HECTD3: variants seen among roughly 807,000 people sequenced by gnomAD.
HECTD3 encodes E3 ubiquitin-protein ligase HECTD3.
HECTD3 carries 72 observed loss-of-function variants against 109.3 expected under a neutral mutation model. The ratio of observed to expected loss-of-function variants is 0.66; its 90% CI spans 0.54 to 0.80. HECTD3 has a LOEUF of 0.80. Among genes scored for constraint, HECTD3 ranks in the 30% least tolerant of loss-of-function variants. The pLI is 0.00. For missense variants in HECTD3, 1,041 were observed against 1,165.2 expected (o/e 0.89, Z 1.55); for synonymous variants, 481 against 471.8 (o/e 1.02, Z -0.25).
chr1:45,005,698 TTG>T lies in HECTD3; in HGVS notation c.1935+94_1935+95del, dbSNP rs988936623. ...GGAGTGGATGGATTGGAGAGGGATCTTGTGTGTGGTGAAAGAACAAGGTACAG... is the reference window on the plus strand; with the variant it reads ...GGAGTGGATGGATTGGAGAGGGATCTTGTGTGGTGAAAGAACAAGGTACAG... On this transcript the variant is annotated intron_variant, in intron 15 of 20. Coordinates refer to ENST00000372172, the MANE Select transcript of HECTD3 (RefSeq NM_024602.6). 9 of 955,526 alleles carry T rather than the reference TTG, an allele frequency of 9.4e-6. No individual in the cohort carries two copies. The African/African-American group carries it at 1.3e-4, about 14-fold the overall frequency. 59.2% of individuals were successfully genotyped at this position (955,526 alleles called of 1,614,324 possible).
chr1:45,009,833 GGTCCTATAGAC>G, intron 4 of HECTD3, 142 bp downstream of exon 4: 7 of 1,093,986 alleles, frequency 6.4e-6, no homozygotes, highest in Non-Finnish European at 2.7e-6. Flanking sequence ...GTATGTAAGG[GGTCCTATAGAC>G]GTCCAAGATG....
intron 4 of HECTD3, 31 bp from the exon 5 acceptor site, chr1:45,009,714 G>C: frequency 6.6e-7 from 1 of 1,518,680 alleles, no homozygotes; most frequent in Non-Finnish European, 9.1e-7. Flanking sequence ...GAAGTCAGCA[G>C]TTACCCTCCC....
chr1:45,007,146 G>T (rs949048450), intron 11 of HECTD3, 73 bp downstream of exon 11: 8 of 1,431,948 alleles, frequency 5.6e-6, no homozygotes, highest in East Asian at 2.3e-5. Context: ...GTGTGTGTGT[G>T]TGTGTGTGTG....
chr1:45,007,295 C>A lies in HECTD3; in HGVS notation c.1504-24G>T. Reference sequence around the variant, plus strand: ...ACCTGGAGGCAAGGAGGAAAGGAGTCATAGGAAAGCAAGACCTGGCCCTAT... The same window carrying A: ...ACCTGGAGGCAAGGAGGAAAGGAGTAATAGGAAAGCAAGACCTGGCCCTAT... On this transcript the variant is annotated intron_variant, in intron 10 of 20. Transcript: ENST00000372172. 4 of 1,610,514 alleles carry A rather than the reference C, an allele frequency of 2.5e-6. No homozygotes were observed. The South Asian group carries it at 3.3e-5, about 13-fold the overall frequency.
rs1644747681 is a variant in HECTD3 at position 45,007,566 on chromosome 1, G to T, written c.1350C>A (p.Arg450=). ...ACTGAGCCACCAGGCCTGGCCGCTG[G>T]CGGGACAGCAGTAGGAACTGCTTCA... is the stretch of plus-strand genomic sequence containing the variant. ...KQVKQFLLLS[R]QRPGLVAQCL... is the part of the protein sequence containing the mutation. Residue 450 remains arginine, a synonymous_variant, in exon 10 of 21, where the codon CGC becomes CGA. Transcript: ENST00000372172. 6.2e-7 allele frequency: 1 copy of T among 1,612,614 alleles called. No individual in the cohort carries two copies. Among genetic ancestry groups the T allele is most frequent in the Non-Finnish European group, 8.5e-7 (1 of 1,180,006 alleles).
rs1446444537 is a variant in HECTD3, at chr1:45,003,238, A to T, written c.*254T>A. The T allele has an allele frequency of 2.5e-5, 13 of 515,040 alleles. No homozygotes were observed. The East Asian group carries it at 3.2e-4, about 13-fold the overall frequency. The allele number at this position is 515,040 out of a possible 1,614,324, so 31.9% of individuals were successfully genotyped here. A position where few individuals can be genotyped will look rare whatever the true frequency, so the allele number is the denominator to read the frequency against. On this transcript the variant is annotated 3_prime_UTR_variant, in exon 21 of 21. Coordinates refer to ENST00000372172, the MANE Select transcript of HECTD3 (RefSeq NM_024602.6). This position sits in a 1 kb window ranked among gnomAD's most constrained non-coding sequence, Gnocchi z 4.7. ...CTGGCAGCTTGTGCTGGGCTTGTGGAAGATTCCCTCTTAAGAGGTGAAATA... is the reference window on the plus strand; with the variant it reads ...CTGGCAGCTTGTGCTGGGCTTGTGGTAGATTCCCTCTTAAGAGGTGAAATA...
chr1:45,003,594 T>C lies in HECTD3; in HGVS notation c.2502-18A>G. 1.2e-6 allele frequency: 2 copies of C among 1,614,056 alleles called. No individual in the cohort carries two copies. The highest frequency in any genetic ancestry group is 1.3e-5 in the African/African-American group (1 of 75,046). ...CCTTGGCACTGTGGGAATGGGGACT[T>C]GGTCAGGTCCCTACATCGCTACCAG... On this transcript the variant is annotated intron_variant, in intron 20 of 20. Transcript: ENST00000372172. The surrounding 1 kb of genome is among the most constrained non-coding windows in gnomAD (Gnocchi z 4.7).
At chr1:45,007,060 C>T in intron 11 of HECTD3, 45 bp from the exon 12 acceptor site, 1 of 1,607,524 alleles carries the variant, frequency 6.2e-7, no homozygotes, top group Non-Finnish European at 8.5e-7. Flanking sequence ...GGGCCAGGTG[C>T]AGCACAATTC....
At position 45,006,177 on chromosome 1, in the gene HECTD3, G is replaced by A. The variant is rs1644733783; in HGVS notation, c.1726-61C>T. ...ATACACCCTATTTTCCTGGCCCAAA[G>A]ACTTCCCTGAACATTTTCCACTGGG... On this transcript the variant is annotated intron_variant, in intron 13 of 20. Transcript: ENST00000372172. This position sits in a 1 kb window ranked among gnomAD's most constrained non-coding sequence, Gnocchi z 4.7. 1 of 1,578,740 alleles carries A rather than the reference G, an allele frequency of 6.3e-7. No individual in the cohort carries two copies. The highest frequency in any genetic ancestry group is 1.3e-5 in the African/African-American group (1 of 74,430).
At position 45,010,914 on chromosome 1, in the gene HECTD3, T is replaced by C. The variant is rs1305568630; in HGVS notation, c.344A>G (p.His115Arg). 8 of 1,546,068 alleles carry C rather than the reference T, an allele frequency of 5.2e-6. No individual in the cohort carries two copies. The highest frequency in any genetic ancestry group is 1.2e-5 in the South Asian group (1 of 83,400). The stretch of plus-strand genomic sequence containing the variant: ...CTTTGTCAGCTTCACCCAGAGCCCG[T>C]GGCCATTGCACAGCTCCTCGCCCGT... ...RTTGEELCNG[H>R]GLWVKLTKEQ... The change falls in exon 1 of 21, where the codon CAC becomes CGC. Residue 115 changes from histidine to arginine, a missense_variant. By Grantham distance (29) the His-to-Arg change is conservative. This residue lies in a region of HECTD3 where 472 missense variants were observed against 449.9 expected (regional missense o/e 1.05). Transcript: ENST00000372172.
In HECTD3 at chr1:45,003,657, GA is replaced by G. The variant is rs776746761; in HGVS notation, c.2501+11del. ...CCCCTGGGCCCCAAATCGAGCCTAG[GA>G]AAAAACCCACCTGGCATAGTGTGGC... On this transcript the variant is annotated intron_variant, in intron 20 of 20. Transcript: ENST00000372172. This position sits in a 1 kb window ranked among gnomAD's most constrained non-coding sequence, Gnocchi z 4.7. 6.2e-7 allele frequency: 1 copy of G among 1,614,032 alleles called. No homozygotes were observed. Among genetic ancestry groups the G allele is most frequent in the African/African-American group, 1.3e-5 (1 of 74,924 alleles).
chr1:45,006,095 G>C lies in HECTD3; in HGVS notation c.1747C>G (p.Arg583Gly), dbSNP rs1355429489. ...ANQGNGTGEA[R>G]DMYVPNPSCR... is the part of the protein sequence containing the mutation. Reference sequence around the variant, plus strand: ...GAGGGGTTGGGTACATACATGTCCCGAGCCTCACCAGTGCCATTGCCCTGC... The same window carrying C: ...GAGGGGTTGGGTACATACATGTCCCCAGCCTCACCAGTGCCATTGCCCTGC... The change falls in exon 14 of 21, where the codon CGG becomes GGG. Residue 583 changes from arginine (R) to glycine (G), a missense_variant. Coordinates refer to ENST00000372172, the MANE Select transcript of HECTD3 (RefSeq NM_024602.6). The surrounding 1 kb of genome is among the most constrained non-coding windows in gnomAD (Gnocchi z 4.7). 81 of 1,613,918 alleles carry C rather than the reference G, an allele frequency of 5.0e-5. 1 individual carries two copies. In the Admixed American group the frequency reaches 1.3e-3, roughly 27 times the overall value.
chr1:45,007,286 G>A lies in HECTD3; in HGVS notation c.1504-15C>T, dbSNP rs377514877. On this transcript the variant is annotated splice_polypyrimidine_tract_variant and intron_variant, in intron 10 of 20. Transcript: ENST00000372172. ...CCTTCATATACCTGGAGGCAAGGAG[G>A]AAAGGAGTCATAGGAAAGCAAGACC... is the stretch of plus-strand genomic sequence containing the variant. 7 of 1,612,338 alleles carry A rather than the reference G, an allele frequency of 4.3e-6. No individual in the cohort carries two copies. In the Admixed American group the frequency reaches 5.0e-5, roughly 12 times the overall value.
At position 45,006,946 on chromosome 1, in the gene HECTD3, C is replaced by T. The variant is rs1462398067; in HGVS notation, c.1621+5G>A. The T allele has an allele frequency of 6.2e-7, 1 of 1,613,948 alleles. No homozygotes were observed. Among genetic ancestry groups the T allele is most frequent in the African/African-American group, 1.3e-5 (1 of 75,024 alleles). On this transcript the variant is annotated splice_donor_5th_base_variant and intron_variant, in intron 12 of 20. Transcript: ENST00000372172. This position sits in a 1 kb window ranked among gnomAD's most constrained non-coding sequence, Gnocchi z 4.7. ...GACCCTTGAGATCCTCCCTCAGGGC[C>T]TCACCTTGGTCAATGATGCCTTCTG...
Position 45,003,337 on chromosome 1 carries a change from T to G in HECTD3, c.*155A>C. Reference sequence around the variant, plus strand: ...CTGGGCCACTAGTGTTACCTGACCATGCCAGCTGCCCCTACCCCAACTGCA... The same window carrying G: ...CTGGGCCACTAGTGTTACCTGACCAGGCCAGCTGCCCCTACCCCAACTGCA... On this transcript the variant is annotated 3_prime_UTR_variant, in exon 21 of 21. Transcript: ENST00000372172. The surrounding 1 kb of genome is among the most constrained non-coding windows in gnomAD (Gnocchi z 4.7). 1.5e-6 allele frequency: 1 copy of G among 659,246 alleles called. No individual in the cohort carries two copies. The highest frequency in any genetic ancestry group is 2.7e-6 in the Non-Finnish European group (1 of 371,458). 40.8% of individuals were successfully genotyped at this position (659,246 alleles called of 1,614,324 possible).
chr1:45,007,668 T>G (rs1569941604), intron 9 of HECTD3, 73 bp from the exon 10 acceptor site: 2 of 1,238,266 alleles, frequency 1.6e-6, no homozygotes, highest in South Asian at 2.7e-5. Flanking sequence ...AACTTTCCCC[T>G]CTGCCTGTAT....
In HECTD3 at chr1:45,003,669, C is replaced by T. The variant is rs746329353; in HGVS notation, c.2501G>A (p.Ser834Asn). ...AAATCGAGCCTAGGAAAAAACCCACCTGGCATAGTGTGGCAGGAAGAGGGT... is the reference window on the plus strand; with the variant it reads ...AAATCGAGCCTAGGAAAAAACCCACTTGGCATAGTGTGGCAGGAAGAGGGT... ...SSTLFLPHYA[S>N]AKVCEEKLRY... The change falls in exon 20 of 21, where the codon AGT becomes AAT. Residue 834 changes from serine to asparagine, a missense_variant and splice_region_variant. Around this residue, in one of 2 missense-constraint regions of HECTD3, gnomAD observed 569 missense variants for 715.3 expected, o/e 0.80. Coordinates refer to ENST00000372172, the MANE Select transcript of HECTD3 (RefSeq NM_024602.6). The surrounding 1 kb of genome is among the most constrained non-coding windows in gnomAD (Gnocchi z 4.7). 1.2e-6 allele frequency: 2 copies of T among 1,614,178 alleles called. No individual in the cohort carries two copies. The highest frequency in any genetic ancestry group is 2.2e-5 in the East Asian group (1 of 44,868).
intron 15 of HECTD3, chr1:45,005,576 G>A: frequency 2.3e-6 from 1 of 435,228 alleles, no homozygotes; most frequent in Non-Finnish European, 4.1e-6. Context: ...AAACGTCGAG[G>A]GTACAGATAC....
In HECTD3 at chr1:45,010,295, T is replaced by C; in HGVS notation, c.531-2A>G. 6.2e-7 allele frequency: 1 copy of C among 1,612,638 alleles called. No individual in the cohort carries two copies. The highest frequency in any genetic ancestry group is 8.5e-7 in the Non-Finnish European group (1 of 1,178,750). Reference sequence around the variant, plus strand: ...GTCAGGTCCACCACCTGTTCCCACCTGTGGGCACAGAGTAGGGAGTGGGAT... The same window carrying C: ...GTCAGGTCCACCACCTGTTCCCACCCGTGGGCACAGAGTAGGGAGTGGGAT... On this transcript the variant is annotated splice_acceptor_variant, in intron 2 of 20. Transcript: ENST00000372172. LOFTEE classifies it high-confidence loss of function.
Sources: allele counts gnomAD v4.1 joint callset, GRCh38; gene constraint gnomAD v4.1.1; regional missense constraint gnomAD v4.1.1; non-coding constraint Gnocchi (gnomAD v3.1); transcripts MANE v1.5; gene names NCBI Gene and HGNC (gene_info 2026-07-23, HGNC 2026-07-21).